Variants in LHFPL3 observed in about 807,000 individuals in gnomAD.
The protein encoded by LHFPL3 is LHFPL tetraspan subfamily member 3 protein.
LHFPL3 carries 5 observed loss-of-function variants against 19.3 expected under a neutral mutation model. The ratio of observed to expected loss-of-function variants is 0.26; its 90% confidence interval spans 0.14 to 0.54. The LOEUF (loss-of-function observed/expected upper bound fraction) is 0.54. Among genes scored for constraint, LHFPL3 ranks in the 20% least tolerant of loss-of-function variants. LHFPL3 has a pLI of 0.94. For synonymous variants in LHFPL3, 133 were observed against 126.2 expected (o/e 1.05, Z -0.36); for missense variants, 249 against 307.4 (o/e 0.81, Z 1.42).
chr7:104,477,155 A>G (rs2115641110), intron 1 of LHFPL3, among the ~76,000 whole-genome samples: 1 of 152,110 alleles, frequency 6.6e-6, no homozygotes, highest in South Asian at 2.1e-4. Flanking sequence ...ATGCCCAGCT[A>G]TATTTTTAAT....
chr7:104,530,275 T>C (rs1429037120), intron 1 of LHFPL3, among the ~76,000 whole-genome samples: 1 of 152,228 alleles, frequency 6.6e-6, no homozygotes, highest in Non-Finnish European at 1.5e-5. Context: ...GGTAAGATAT[T>C]GATTCTACTT....
chr7:104,579,016 G>A (rs1187575107), intron 1 of LHFPL3, among the ~76,000 whole-genome samples: 1 of 152,184 alleles, frequency 6.6e-6, no homozygotes, highest in Non-Finnish European at 1.5e-5. Context: ...AAGCATTTGA[G>A]AGCCCTAATG....
intron 1 of LHFPL3, among the ~76,000 whole-genome samples, chr7:104,377,688 G>A (rs1226649332): frequency 6.6e-6 from 1 of 152,152 alleles, no homozygotes; most frequent in Non-Finnish European, 1.5e-5. Context: ...GTGACAGTTG[G>A]CAAAACAGTG....
chr7:104,498,784 A>G (rs913136764), intron 1 of LHFPL3, among the ~76,000 whole-genome samples: 7 of 152,186 alleles, frequency 4.6e-5, no homozygotes, highest in Non-Finnish European at 7.4e-5. Context: ...AGCCAGAAAC[A>G]GTTTTTAATA....
intron 1 of LHFPL3, among the ~76,000 whole-genome samples, chr7:104,387,305 T>C (rs1790966616): frequency 1.3e-5 from 2 of 152,076 alleles, no homozygotes; most frequent in Admixed American, 1.3e-4. Flanking sequence ...GAGGTAAATG[T>C]TGCAGTAAGC....
At chr7:104,527,944 T>C (rs997681842) in intron 1 of LHFPL3, among the ~76,000 whole-genome samples, 1 of 152,224 alleles carries the variant, frequency 6.6e-6, no homozygotes, top group Non-Finnish European at 1.5e-5. Flanking sequence ...ACCATATTTA[T>C]TTCTATGTAA....
chr7:104,792,462 G>A (rs1484945346), intron 2 of LHFPL3, among the ~76,000 whole-genome samples: 1 of 152,132 alleles, frequency 6.6e-6, no homozygotes, highest in Non-Finnish European at 1.5e-5. Flanking sequence ...AGTTCACCTT[G>A]ACATGGTACC....
intron 1 of LHFPL3, among the ~76,000 whole-genome samples, chr7:104,337,981 TC>T (rs1789861421): frequency 6.6e-6 from 1 of 152,078 alleles, no homozygotes; most frequent in South Asian, 2.1e-4. Context: ...CTTTTAATGG[TC>T]ATGATATCAG....
chr7:104,842,275 G>A lies in LHFPL3; in HGVS notation c.683-63912G>A, dbSNP rs574181588. Among the ~76,000 whole-genome samples the A allele has an allele frequency of 1.1e-4, 16 of 140,132 alleles. 1 individual carries two copies. Among genetic ancestry groups the A allele is most frequent in the African/African-American group, 3.7e-4 (14 of 37,950 alleles). 91.9% of individuals were successfully genotyped at this position (140,132 alleles called of 152,430 possible). A position where few individuals can be genotyped will look rare whatever the true frequency, so the allele number is the denominator to read the frequency against. On this transcript the variant is annotated intron_variant, in intron 2 of 2. Coordinates refer to ENST00000424859, the MANE Select transcript of LHFPL3 (RefSeq NM_199000.3). ...CTCAGGCATCAGCTCCTCCTCTAGC[G>A]GTAGAACCTTTTGCGGGGGTGGGGG...
intron 1 of LHFPL3, among the ~76,000 whole-genome samples, chr7:104,458,658 C>A (rs1792595784): frequency 6.6e-6 from 1 of 151,394 alleles, no homozygotes; most frequent in Non-Finnish European, 1.5e-5. Context: ...TGAAGAAAGT[C>A]ATTGGTAGCT....
chr7:104,603,066 T>TTTTCTTTC (rs373564018), intron 1 of LHFPL3, among the ~76,000 whole-genome samples: 6,314 of 108,358 alleles, frequency 0.058, 227 homozygotes, highest in Middle Eastern at 0.08. Context: ...CTTTCTTTCT[T>TTTTCTTTC]TTTCTTTCTT....
chr7:104,691,767 C>T (rs1163045754), intron 1 of LHFPL3, among the ~76,000 whole-genome samples: 1 of 152,190 alleles, frequency 6.6e-6, no homozygotes, highest in Non-Finnish European at 1.5e-5. Context: ...AAAGGGTGAC[C>T]TCAGCAGTGG....
intron 1 of LHFPL3, among the ~76,000 whole-genome samples, chr7:104,484,070 G>T (rs568918477): frequency 2.0e-5 from 3 of 151,968 alleles, no homozygotes; most frequent in Non-Finnish European, 4.4e-5. Flanking sequence ...CTGGGGATTT[G>T]CATTTTTAAT....
At chr7:104,773,679 C>A (rs1044374912) in intron 2 of LHFPL3, among the ~76,000 whole-genome samples, 1 of 152,168 alleles carries the variant, frequency 6.6e-6, no homozygotes, top group Non-Finnish European at 1.5e-5. Flanking sequence ...CTGGCCCAGT[C>A]CTTACAAAGA....
In LHFPL3 at chr7:104,351,408, C is replaced by A. The variant is rs563870828; in HGVS notation, c.445+22184C>A. Among the ~76,000 whole-genome samples the A allele has an allele frequency of 3.9e-5, 6 of 152,276 alleles. No homozygotes were observed. In the South Asian group the frequency reaches 1.0e-3, roughly 26 times the overall value. On this transcript the variant is annotated intron_variant, in intron 1 of 2. Transcript: ENST00000424859. ...CTTTGGAACACAAAGCAAATCTTAG[C>A]ACTCTTCTGTGATTAACCTTGACTT...
chr7:104,718,299 C>T (rs1793429010), intron 1 of LHFPL3, among the ~76,000 whole-genome samples: 1 of 151,942 alleles, frequency 6.6e-6, no homozygotes, highest in South Asian at 2.1e-4. Context: ...ATGTCCTTAC[C>T]CACAATGAAA....
At chr7:104,766,303 G>A (rs930711954) in intron 2 of LHFPL3, among the ~76,000 whole-genome samples, 1 of 152,164 alleles carries the variant, frequency 6.6e-6, no homozygotes, top group Admixed American at 6.6e-5. Flanking sequence ...CTTTGGTAGA[G>A]GCCAATATAA....
intron 2 of LHFPL3, among the ~76,000 whole-genome samples, chr7:104,770,413 A>G (rs1038058936): frequency 6.6e-6 from 1 of 152,218 alleles, no homozygotes; most frequent in South Asian, 2.1e-4. Context: ...TCATGGTCTC[A>G]ATAAAGAGAA....
chr7:104,656,320 C>G (rs1343565912), intron 1 of LHFPL3, among the ~76,000 whole-genome samples: 2 of 151,880 alleles, frequency 1.3e-5, no homozygotes, highest in African/African-American at 2.4e-5. Context: ...ATCCATTAGC[C>G]TAGTGAGGCC....
Sources: gnomAD v4.1 joint callset for allele counts (sites outside exome capture counted in the v4.1 genomes callset) on GRCh38, gnomAD v4.1.1 for gene constraint, MANE v1.5 for transcripts, NCBI Gene and HGNC (gene_info 2026-07-23, HGNC 2026-07-21) for gene names.